TCF4: variants seen among roughly 807,000 people sequenced by gnomAD.
The protein encoded by TCF4 is transcription factor 4.
In TCF4, 3 loss-of-function variants were observed where a neutral mutation model predicts 82.1. That is an observed-to-expected ratio of 0.04 (90% confidence interval 0.02 to 0.09). The LOEUF is 0.09. Among genes scored for constraint, TCF4 ranks in the 10% least tolerant of loss-of-function variants. The pLI, the probability that TCF4 is intolerant of heterozygous loss-of-function variation, is 1.00. For missense variants in TCF4, 518 were observed against 852.7 expected (o/e 0.61, Z 4.89); for synonymous variants, 276 against 309.6 (o/e 0.89, Z 1.14).
intron 5 of TCF4, among the ~76,000 whole-genome samples, chr18:55,454,422 A>T (rs981726032): frequency 1.1e-4 from 17 of 152,204 alleles, no homozygotes; most frequent in African/African-American, 4.1e-4. Flanking sequence ...AACCCTATCT[A>T]TCTAATTCCC....
intron 13 of TCF4, among the ~76,000 whole-genome samples, chr18:55,258,228 T>C (rs2057309916): frequency 6.6e-6 from 1 of 152,198 alleles, no homozygotes; most frequent in South Asian, 2.1e-4. Flanking sequence ...TTTTGTTCAA[T>C]TACTTTTCTT....
At chr18:55,486,570 T>A (rs2096518322) in intron 3 of TCF4, among the ~76,000 whole-genome samples, 1 of 152,134 alleles carries the variant, frequency 6.6e-6, no homozygotes, top group Non-Finnish European at 1.5e-5. Context: ...CCAGCGTGGG[T>A]GACAGAGTGA....
At position 55,400,905 on chromosome 18, in the gene TCF4, C is replaced by T. The variant is rs2093776515; in HGVS notation, c.369+2549G>A. 3.2e-6 allele frequency: 4 copies of T among 1,233,736 alleles called. No individual in the cohort carries two copies. In the African/African-American group the frequency reaches 4.7e-5, roughly 14 times the overall value. 76.4% of individuals were successfully genotyped at this position (1,233,736 alleles called of 1,614,324 possible). On this transcript the variant is annotated intron_variant, in intron 6 of 19. Transcript: ENST00000354452. ...TAATACGATAAAGCAGCTTTTGGAG[C>T]TCCTTAGGGCACACCATCTGAAGGT...
chr18:55,230,419 T>A (rs559938937), intron 17 of TCF4: 1 of 152,098 alleles, frequency 6.6e-6, no homozygotes, highest in Admixed American at 6.5e-5. Context: ...AAAAGAGAAG[T>A]GTGCACGACG....
upstream of TCF4, chr18:55,589,278 C>A (rs891053949): frequency 2.9e-6 from 3 of 1,050,592 alleles, no homozygotes; most frequent in African/African-American, 5.0e-5. Context: ...TTTACTCTGA[C>A]GGCAAATTGA....
intron 8 of TCF4, among the ~76,000 whole-genome samples, chr18:55,303,816 T>G (rs1344098792): frequency 1.3e-5 from 2 of 152,164 alleles, no homozygotes; most frequent in Non-Finnish European, 2.9e-5. Context: ...TAATAAAAAT[T>G]AATCCTTGAA....
intron 3 of TCF4, among the ~76,000 whole-genome samples, chr18:55,480,320 T>C (rs1023114529): frequency 2.8e-5 from 4 of 144,338 alleles, no homozygotes; most frequent in African/African-American, 1.0e-4. Context: ...GGGAGGATAT[T>C]ATGTGTATTA....
chr18:55,366,027 T>C (rs1426077842), intron 6 of TCF4, among the ~76,000 whole-genome samples: 1 of 141,394 alleles, frequency 7.1e-6, no homozygotes, highest in African/African-American at 2.7e-5. Context: ...TAGATATAGA[T>C]ATATAAGACA....
chr18:55,297,147 G>GTTTTTTTT (rs35268463), intron 8 of TCF4, among the ~76,000 whole-genome samples: 12 of 64,250 alleles, frequency 1.9e-4, no homozygotes, highest in Non-Finnish European at 2.3e-4. Context: ...TTTCTTTGAG[G>GTTTTTTTT]TTTTTTTTTT....
intron 5 of TCF4, among the ~76,000 whole-genome samples, chr18:55,412,567 G>T (rs780219406): frequency 6.6e-6 from 1 of 152,006 alleles, no homozygotes; most frequent in Non-Finnish European, 1.5e-5. Context: ...GACCTGGTTC[G>T]TTCATTTAAA....
intron 6 of TCF4, among the ~76,000 whole-genome samples, chr18:55,352,932 C>T (rs963490225): frequency 6.6e-6 from 1 of 152,118 alleles, no homozygotes; most frequent in Non-Finnish European, 1.5e-5. Flanking sequence ...GGTAAATCTA[C>T]GAATGAGTCT....
intron 3 of TCF4, chr18:55,550,378 C>G (rs983754703): frequency 2.0e-5 from 3 of 152,132 alleles, no homozygotes; most frequent in African/African-American, 7.2e-5. Context: ...GTTTACCATC[C>G]CAGCACTATT....
rs2096193905 is a variant in TCF4, at chr18:55,471,973, T to C, written c.146-7836A>G. 2.6e-5 allele frequency among the ~76,000 whole-genome samples: 4 copies of C among 152,262 alleles called. No individual in the cohort carries two copies. In the South Asian group the frequency reaches 8.3e-4, roughly 32 times the overall value. On this transcript the variant is annotated intron_variant, in intron 3 of 19. Transcript: ENST00000354452. ...AAGGGTAGATATGCTGGTGAGAAAGTATAGTAGGAAAAAAGTGTTCGCAGA... is the reference window on the plus strand; with the variant it reads ...AAGGGTAGATATGCTGGTGAGAAAGCATAGTAGGAAAAAAGTGTTCGCAGA...
In TCF4 at chr18:55,464,148, G is replaced by A. The variant is rs191464553; in HGVS notation, c.146-11C>T. The A allele has an allele frequency of 1.2e-6, 2 of 1,613,656 alleles. No individual in the cohort carries two copies. Among genetic ancestry groups the A allele is most frequent in the Admixed American group, 1.7e-5 (1 of 59,982 alleles). ...TTCTGTCTTCTACATCTAGGGACAAGAGAAAAGTTCTTTAGGCTTTCTTGC... is the reference window on the plus strand; with the variant it reads ...TTCTGTCTTCTACATCTAGGGACAAAAGAAAAGTTCTTTAGGCTTTCTTGC... On this transcript the variant is annotated splice_polypyrimidine_tract_variant and intron_variant, in intron 3 of 19. Coordinates refer to ENST00000354452, the MANE Select transcript of TCF4 (RefSeq NM_001083962.2).
At chr18:55,558,608 T>C (rs1439632786) in intron 3 of TCF4, among the ~76,000 whole-genome samples, 1 of 152,176 alleles carries the variant, frequency 6.6e-6, no homozygotes, top group Non-Finnish European at 1.5e-5. Flanking sequence ...ATTATAAAAG[T>C]ATATGGATAA....
intron 3 of TCF4, among the ~76,000 whole-genome samples, chr18:55,500,942 A>C (rs1031785350): frequency 6.6e-6 from 1 of 152,014 alleles, no homozygotes; most frequent in South Asian, 2.1e-4. Flanking sequence ...ACAAGTGATA[A>C]AGAAACAGAA....
chr18:55,309,057 A>G (rs1379169402), intron 8 of TCF4, among the ~76,000 whole-genome samples: 2 of 152,120 alleles, frequency 1.3e-5, no homozygotes, highest in East Asian at 1.9e-4. Context: ...TGATCTTTTT[A>G]AAGTTTTATT....
At chr18:55,490,506 T>C (rs1260657729) in intron 3 of TCF4, among the ~76,000 whole-genome samples, 1 of 152,260 alleles carries the variant, frequency 6.6e-6, no homozygotes, top group East Asian at 1.9e-4. Context: ...TAGCAGAGTA[T>C]CATACACGTT....
chr18:55,484,112 CTTATG>C (rs969280704), intron 3 of TCF4, among the ~76,000 whole-genome samples: 35 of 152,254 alleles, frequency 2.3e-4, no homozygotes, highest in African/African-American at 7.9e-4. Flanking sequence ...TACCTATTTT[CTTATG>C]TTATGAGAGA....
Sources: allele counts gnomAD v4.1 joint callset (sites outside exome capture counted in the v4.1 genomes callset), GRCh38; gene constraint gnomAD v4.1.1; transcripts MANE v1.5; gene names NCBI Gene and HGNC (gene_info 2026-07-23, HGNC 2026-07-21).